The following SH3KBP1 variants were observed in gnomAD, a reference collection of about 807,000 sequenced individuals.
SH3KBP1 encodes SH3 domain-containing kinase-binding protein 1.
Under a neutral mutation model 50.1 loss-of-function variants are expected in SH3KBP1, and 8 were observed. That is an observed-to-expected ratio of 0.16 (90% CI 0.09 to 0.29). SH3KBP1 has a LOEUF of 0.29. Ranked by LOEUF, SH3KBP1 falls within the 10% of genes least tolerant of loss-of-function variation. The pLI is 1.00. For missense variants in SH3KBP1, 377 were observed against 535.2 expected (o/e 0.70, Z 2.92); for synonymous variants, 227 against 218.6 (o/e 1.04, Z -0.34).
chrX:19,706,975 C>T lies in SH3KBP1; in HGVS notation c.296G>A (p.Arg99Gln), dbSNP rs774563910. ...ILRTNKRGER[R>Q]RRRCQVAFSY... ...GAATGCCACCTGGCACCGGCGCCTC[C>T]GTCGCTCGCCTGGATGGGAAAAGCA... Residue 99 changes from arginine to glutamine, a missense_variant, in exon 4 of 18, where the codon CGG becomes CAG. Coordinates refer to ENST00000397821, the MANE Select transcript of SH3KBP1 (RefSeq NM_031892.3). 11 of 1,206,471 alleles carry T rather than the reference C, an allele frequency of 9.1e-6. No individual in the cohort carries two copies. Among genetic ancestry groups the T allele is most frequent in the Admixed American group, 2.2e-5 (1 of 45,849 alleles).
At chrX:19,601,366 C>T (rs764281070) in intron 9 of SH3KBP1, 9 of 111,651 alleles carry the variant, frequency 8.1e-5, no homozygotes, top group Non-Finnish European at 1.1e-4. Flanking sequence ...AAGCAAAAGG[C>T]TCATTGGCTG....
At chrX:19,692,072 G>T (rs955156961) in intron 5 of SH3KBP1, among the ~76,000 whole-genome samples, 3 of 111,284 alleles carry the variant, frequency 2.7e-5, no homozygotes, top group African/African-American at 9.8e-5. Flanking sequence ...TACCTTTAAG[G>T]TTTCATAAGT....
intron 1 of SH3KBP1, among the ~76,000 whole-genome samples, chrX:19,868,340 G>A (rs763497167): frequency 6.3e-5 from 7 of 111,285 alleles, no homozygotes; most frequent in African/African-American, 2.3e-4. Flanking sequence ...GAAGACTGAT[G>A]GATGAAATTG....
chrX:19,772,947 T>C (rs921125651), intron 2 of SH3KBP1, among the ~76,000 whole-genome samples: 6 of 111,676 alleles, frequency 5.4e-5, no homozygotes, highest in East Asian at 5.6e-4. Flanking sequence ...ATATGTGGCA[T>C]TGACCCAGGC....
At chrX:19,598,249 A>AT (rs1020965845) in intron 9 of SH3KBP1, among the ~76,000 whole-genome samples, 13 of 107,140 alleles carry the variant, frequency 1.2e-4, no homozygotes, top group African/African-American at 3.7e-4. Context: ...TTATTTATTT[A>AT]TTTATTTATT....
Position 19,534,586 on chromosome X carries a change from G to T in SH3KBP1, c.*1831C>A. 3.9e-6 allele frequency: 1 copy of T among 257,015 alleles called. No individual in the cohort carries two copies. Among genetic ancestry groups the T allele is most frequent in the Non-Finnish European group, 6.9e-6 (1 of 144,839 alleles). The allele number at this position is 257,015 out of a possible 1,213,427, so 21.2% of individuals were successfully genotyped here. A position where few individuals can be genotyped will look rare whatever the true frequency, so the allele number is the denominator to read the frequency against. On this transcript the variant is annotated 3_prime_UTR_variant, in exon 18 of 18. Coordinates refer to ENST00000397821, the MANE Select transcript of SH3KBP1 (RefSeq NM_031892.3). ...ACGCAGAAATGCTTATAACTGTCAA[G>T]GGGTACAGGGATGTTTTACGCTGCT...
chrX:19,782,407 T>C (rs2066209775), intron 2 of SH3KBP1, among the ~76,000 whole-genome samples: 1 of 111,598 alleles, frequency 9.0e-6, no homozygotes, highest in Non-Finnish European at 1.9e-5. Context: ...TTGTGGTCAT[T>C]TGTTGTGGTA....
At chrX:19,653,813 C>T (rs768596211) in intron 6 of SH3KBP1, among the ~76,000 whole-genome samples, 2 of 94,872 alleles carry the variant, frequency 2.1e-5, no homozygotes, top group Non-Finnish European at 4.2e-5. Flanking sequence ...CACACACACA[C>T]AGCTTCTTAA....
intron 7 of SH3KBP1, among the ~76,000 whole-genome samples, chrX:19,637,019 G>A (rs182962666): frequency 2.8e-4 from 31 of 112,370 alleles, no homozygotes; most frequent in African/African-American, 9.7e-4. Context: ...AAATTCTCTC[G>A]TTCAACTGAC....
intron 5 of SH3KBP1, among the ~76,000 whole-genome samples, chrX:19,685,148 C>T (rs766388040): frequency 1.8e-5 from 2 of 112,149 alleles, no homozygotes; most frequent in African/African-American, 6.5e-5. Flanking sequence ...AATGAAAGTA[C>T]GCCATCAAAT....
intron 15 of SH3KBP1, among the ~76,000 whole-genome samples, chrX:19,545,598 C>G (rs1298275941): frequency 8.9e-6 from 1 of 111,905 alleles, no homozygotes; most frequent in African/African-American, 3.3e-5. Context: ...TCTCTCTAGA[C>G]GTCTCACGGC....
intron 1 of SH3KBP1, among the ~76,000 whole-genome samples, chrX:19,838,929 G>C (rs368864718): frequency 1.0e-5 from 1 of 100,450 alleles, no homozygotes; most frequent in African/African-American, 3.6e-5. Flanking sequence ...AGGAAAAAAA[G>C]AAAGAAAGAA....
intron 2 of SH3KBP1, among the ~76,000 whole-genome samples, chrX:19,810,750 G>A (rs1042851700): frequency 5.4e-5 from 6 of 111,731 alleles, no homozygotes; most frequent in African/African-American, 1.6e-4. Flanking sequence ...AAAAGGATGA[G>A]TTAAATTGAA....
intron 6 of SH3KBP1, among the ~76,000 whole-genome samples, chrX:19,674,676 C>T (rs866738246): frequency 2.6e-4 from 29 of 112,441 alleles, no homozygotes; most frequent in African/African-American, 8.4e-4. Flanking sequence ...AATTATGGCA[C>T]TTACTTTCTA....
At position 19,887,299 on chromosome X, in the gene SH3KBP1, C is replaced by T. The variant is rs1230209193; in HGVS notation, c.4+8G>A. ...GTGGACGCCCGGACGCGGGCGGCCC[C>T]CACTCACCCATTGGCGTCGAGCCGG... On this transcript the variant is annotated splice_region_variant and intron_variant, in intron 1 of 17. Transcript: ENST00000397821. The T allele has an allele frequency of 9.2e-6, 9 of 980,520 alleles. No homozygotes were observed. Among genetic ancestry groups the T allele is most frequent in the African/African-American group, 2.0e-5 (1 of 49,663 alleles). 80.8% of individuals were successfully genotyped at this position (980,520 alleles called of 1,213,427 possible).
intron 1 of SH3KBP1, among the ~76,000 whole-genome samples, chrX:19,869,424 T>C (rs1049126033): frequency 8.9e-6 from 1 of 111,927 alleles, no homozygotes; most frequent in African/African-American, 3.2e-5. Context: ...TTCCATGTCA[T>C]GTCCTTAACG....
intron 6 of SH3KBP1, chrX:19,670,775 C>G: frequency 5.2e-6 from 5 of 961,275 alleles, no homozygotes; most frequent in Non-Finnish European, 6.9e-6. Flanking sequence ...ATTACCCAGT[C>G]TTGCTACAAA....
At chrX:19,791,226 A>T (rs1429784311) in intron 2 of SH3KBP1, among the ~76,000 whole-genome samples, 1 of 111,452 alleles carries the variant, frequency 9.0e-6, no homozygotes, top group Non-Finnish European at 1.9e-5. Context: ...CAAGCTATAT[A>T]TTGCTGGTAG....
rs1412809718 is a variant in SH3KBP1 at position 19,595,115 on chromosome X, C to CA, written c.1006-116dup. 2.0e-5 allele frequency: 11 copies of CA among 545,306 alleles called. No individual in the cohort carries two copies. The Admixed American group carries it at 3.0e-4, about 15-fold the overall frequency. The allele number at this position is 545,306 out of a possible 1,213,427, so 44.9% of individuals were successfully genotyped here. On this transcript the variant is annotated intron_variant, in intron 9 of 17. Coordinates refer to ENST00000397821, the MANE Select transcript of SH3KBP1 (RefSeq NM_031892.3). ...GTTTGGACAATTTAGAGAACCTCTC[C>CA]AAAAAAATTGAGCAATTCTCTCTCC...
Sources: allele counts gnomAD v4.1 joint callset (sites outside exome capture counted in the v4.1 genomes callset), GRCh38; gene constraint gnomAD v4.1.1; transcripts MANE v1.5; gene names NCBI Gene and HGNC (gene_info 2026-07-23, HGNC 2026-07-21).